Variants in CTNND2 observed in about 807,000 individuals in gnomAD.
CTNND2 encodes the protein catenin delta 2.
A neutral mutation model predicts 144.4 loss-of-function variants in CTNND2; 22 were observed. That is an observed-to-expected ratio of 0.15 (90% CI 0.11 to 0.22). The LOEUF (loss-of-function observed/expected upper bound fraction) is 0.22. Among genes scored for constraint, CTNND2 ranks in the 10% least tolerant of loss-of-function variants. The pLI is 1.00. For synonymous variants in CTNND2, 751 were observed against 695.6 expected, an observed-to-expected ratio of 1.08 and a Z score of -1.25; for missense variants, 1,353 against 1,618.8, an observed-to-expected ratio of 0.84 and a Z score of 2.82.
intron 9 of CTNND2, among the ~76,000 whole-genome samples, chr5:11,245,156 T>C (rs1459602785): frequency 6.6e-6 from 1 of 152,168 alleles, no homozygotes; most frequent in Non-Finnish European, 1.5e-5. Flanking sequence ...CTATTCTTGT[T>C]CGTTCAGTGA....
At chr5:11,484,425 TAAG>T (rs923216296) in intron 3 of CTNND2, among the ~76,000 whole-genome samples, 7 of 152,150 alleles carry the variant, frequency 4.6e-5, no homozygotes, top group African/African-American at 1.7e-4. Context: ...AACTCACAAA[TAAG>T]AAAGGGTCAT....
At chr5:11,576,849 AGACTAG>A (rs940617246) in intron 2 of CTNND2, among the ~76,000 whole-genome samples, 21 of 152,158 alleles carry the variant, frequency 1.4e-4, no homozygotes, top group Admixed American at 7.9e-4. Flanking sequence ...CAGTATTTCA[AGACTAG>A]GAATAGTTTC....
chr5:11,755,466 C>A (rs912602943), intron 1 of CTNND2, among the ~76,000 whole-genome samples: 1 of 151,572 alleles, frequency 6.6e-6, no homozygotes, highest in African/African-American at 2.4e-5. Context: ...TTCTGCATTT[C>A]CTGAATTTGA....
chr5:11,510,355 T>C (rs1230480691), intron 3 of CTNND2, among the ~76,000 whole-genome samples: 1 of 152,180 alleles, frequency 6.6e-6, no homozygotes, highest in Non-Finnish European at 1.5e-5. Flanking sequence ...AATTACAGAA[T>C]CTCAGGCCCC....
chr5:11,363,416 G>C (rs1756658039), intron 8 of CTNND2, among the ~76,000 whole-genome samples: 1 of 152,032 alleles, frequency 6.6e-6, no homozygotes, highest in Non-Finnish European at 1.5e-5. Flanking sequence ...TATAAGATGT[G>C]CATAAAAATA....
At chr5:11,148,810 C>A (rs1013101003) in intron 12 of CTNND2, among the ~76,000 whole-genome samples, 4 of 152,218 alleles carry the variant, frequency 2.6e-5, no homozygotes, top group Non-Finnish European at 4.4e-5. Context: ...TCCCCTCAAA[C>A]AGGAATGCTC....
chr5:11,692,772 T>G (rs556962052), intron 2 of CTNND2, among the ~76,000 whole-genome samples: 8 of 152,344 alleles, frequency 5.3e-5, no homozygotes, highest in Non-Finnish European at 1.0e-4. Context: ...TGGCTAATTT[T>G]TATATTTTTA....
chr5:11,435,115 C>CCATT (rs1554057755), intron 3 of CTNND2, among the ~76,000 whole-genome samples: 1 of 145,944 alleles, frequency 6.9e-6, no homozygotes, highest in East Asian at 2.1e-4. Context: ...TTCTTTTTTA[C>CCATT]TATTTATTTA....
chr5:11,592,534 G>T (rs182530440), intron 2 of CTNND2, among the ~76,000 whole-genome samples: 1 of 151,736 alleles, frequency 6.6e-6, no homozygotes, highest in Admixed American at 6.6e-5. Flanking sequence ...AACATTGTGA[G>T]ATAATCATAA....
intron 9 of CTNND2, among the ~76,000 whole-genome samples, chr5:11,315,891 A>T (rs1751426437): frequency 6.6e-6 from 1 of 152,168 alleles, no homozygotes; most frequent in Non-Finnish European, 1.5e-5. Flanking sequence ...ATGTCTTATC[A>T]CCAGTAGATA....
chr5:11,429,212 T>C (rs1581174883), intron 3 of CTNND2, among the ~76,000 whole-genome samples: 1 of 152,306 alleles, frequency 6.6e-6, no homozygotes, highest in South Asian at 2.1e-4. Context: ...ACTCTGTCCA[T>C]CCTATAAACT....
intron 1 of CTNND2, among the ~76,000 whole-genome samples, chr5:11,893,808 A>AT (rs1737179425): frequency 6.6e-6 from 1 of 152,158 alleles, no homozygotes; most frequent in African/African-American, 2.4e-5. Context: ...TCACTATACA[A>AT]TTTATCACAC....
intron 6 of CTNND2, among the ~76,000 whole-genome samples, chr5:11,388,531 G>A (rs951770771): frequency 6.6e-6 from 1 of 152,232 alleles, no homozygotes; most frequent in Non-Finnish European, 1.5e-5. Context: ...AACCAGGGGT[G>A]CTATACTCCA....
intron 2 of CTNND2, among the ~76,000 whole-genome samples, chr5:11,634,588 A>C (rs1409154106): frequency 1.3e-5 from 2 of 152,152 alleles, no homozygotes; most frequent in African/African-American, 4.8e-5. Context: ...TCCCACACTG[A>C]GTTTTGAAAG....
intron 3 of CTNND2, among the ~76,000 whole-genome samples, chr5:11,465,302 C>CAT (rs1766560385): frequency 1.4e-5 from 2 of 139,432 alleles, no homozygotes; most frequent in Admixed American, 7.2e-5. Flanking sequence ...CAAAACTGAA[C>CAT]TTTTTTTTTT....
intron 2 of CTNND2, among the ~76,000 whole-genome samples, chr5:11,576,872 C>G (rs1306361927): frequency 5.9e-5 from 9 of 152,180 alleles, no homozygotes. Flanking sequence ...TTTCCAGTCT[C>G]TTCGGTGGCT....
intron 8 of CTNND2, among the ~76,000 whole-genome samples, chr5:11,362,778 C>T (rs553464631): frequency 6.6e-6 from 1 of 152,270 alleles, no homozygotes; most frequent in African/African-American, 2.4e-5. Context: ...AGGAAAAAAA[C>T]ACTTGTTCAT....
At chr5:10,997,224 TA>T (rs1739442766) in intron 18 of CTNND2, among the ~76,000 whole-genome samples, 3 of 152,140 alleles carry the variant, frequency 2.0e-5, no homozygotes, top group Non-Finnish European at 4.4e-5. Context: ...GGAGCAGTCT[TA>T]CCAAAAACAC....
intron 7 of CTNND2, among the ~76,000 whole-genome samples, chr5:11,372,630 T>C (rs1757564436): frequency 6.6e-6 from 1 of 151,816 alleles, no homozygotes; most frequent in South Asian, 2.1e-4. Flanking sequence ...CAATATCTGT[T>C]CTGGGTTTCC....
Sources: allele counts gnomAD v4.1 joint callset (sites outside exome capture counted in the v4.1 genomes callset), GRCh38; gene constraint gnomAD v4.1.1; transcripts MANE v1.5; gene names NCBI Gene and HGNC (gene_info 2026-07-23, HGNC 2026-07-21).